The following CNTNAP2 variants were observed in gnomAD, a reference collection of about 807,000 sequenced individuals.
CNTNAP2 encodes contactin-associated protein-like 2.
Under a neutral mutation model 155.2 loss-of-function variants are expected in CNTNAP2, and 98 were observed. That is an observed-to-expected ratio of 0.63 (90% CI 0.54 to 0.75). The LOEUF (loss-of-function observed/expected upper bound fraction) is 0.75, where lower values mean the gene tolerates loss of function less well. Among genes scored for constraint, CNTNAP2 ranks in the 30% least tolerant of loss-of-function variants. The pLI is 0.00. For missense variants in CNTNAP2, 1,727 were observed against 1,688.1 expected (o/e 1.02, Z -0.40); for synonymous variants, 651 against 631.2 (o/e 1.03, Z -0.47).
intron 12 of CNTNAP2, among the ~76,000 whole-genome samples, chr7:147,572,074 A>G (rs550951641): frequency 6.6e-6 from 1 of 152,332 alleles, no homozygotes; most frequent in African/African-American, 2.4e-5. Context: ...AATTCTGCTC[A>G]TACAGCTTCA....
intron 8 of CNTNAP2, among the ~76,000 whole-genome samples, chr7:147,223,709 G>A (rs1252377219): frequency 6.6e-6 from 1 of 152,080 alleles, no homozygotes; most frequent in Admixed American, 6.6e-5. Flanking sequence ...TTGGGAGGCC[G>A]AGGCAGGCGG....
intron 9 of CNTNAP2, among the ~76,000 whole-genome samples, chr7:147,342,024 T>C (rs887877478): frequency 6.6e-5 from 10 of 152,144 alleles, no homozygotes; most frequent in African/African-American, 1.9e-4. Flanking sequence ...GAGTTCTTGA[T>C]GAGGGTACTC....
chr7:147,381,412 T>C (rs1156250946), intron 9 of CNTNAP2, among the ~76,000 whole-genome samples: 1 of 152,166 alleles, frequency 6.6e-6, no homozygotes, highest in Non-Finnish European at 1.5e-5. Flanking sequence ...AGTAAGACAA[T>C]ATTATTTTAT....
chr7:148,301,637 G>C (rs1000323709), intron 21 of CNTNAP2, among the ~76,000 whole-genome samples: 2 of 152,220 alleles, frequency 1.3e-5, no homozygotes, highest in African/African-American at 4.8e-5. Context: ...AGAAGGGATA[G>C]AGCAGAAATC....
chr7:148,116,807 A>G lies in CNTNAP2; in HGVS notation c.2384-1311A>G, dbSNP rs572517410. Among the ~76,000 whole-genome samples, 122 of 152,342 alleles carry G rather than the reference A, an allele frequency of 8.0e-4. 2 individuals are homozygous for G. Among genetic ancestry groups the G allele is most frequent in the South Asian group, 3.1e-3 (15 of 4,826 alleles). ...TTGCATAAAAGGAAGGAAAAATATCATTTGTGTATGAATAGAAACTAATGG... is the reference window on the plus strand; with the variant it reads ...TTGCATAAAAGGAAGGAAAAATATCGTTTGTGTATGAATAGAAACTAATGG... On this transcript the variant is annotated intron_variant, in intron 15 of 23. Transcript: ENST00000361727.
intron 1 of CNTNAP2, among the ~76,000 whole-genome samples, chr7:146,387,714 T>G (rs899896795): frequency 1.3e-5 from 2 of 152,104 alleles, no homozygotes; most frequent in African/African-American, 2.4e-5. Context: ...GGCATCTATG[T>G]TTCTGGCTGT....
chr7:147,879,059 T>C (rs1222807462), intron 13 of CNTNAP2, among the ~76,000 whole-genome samples: 1 of 152,260 alleles, frequency 6.6e-6, no homozygotes, highest in African/African-American at 2.4e-5. Flanking sequence ...CTCAGTGATG[T>C]AGTAAACGGT....
At chr7:147,441,514 C>T (rs1303953284) in intron 10 of CNTNAP2, among the ~76,000 whole-genome samples, 2 of 152,042 alleles carry the variant, frequency 1.3e-5, no homozygotes, top group Non-Finnish European at 2.9e-5. Context: ...TGTCTTGATA[C>T]CTGTAGATGT....
intron 13 of CNTNAP2, among the ~76,000 whole-genome samples, chr7:147,741,466 A>G (rs1344774393): frequency 6.6e-6 from 1 of 152,250 alleles, no homozygotes; most frequent in Non-Finnish European, 1.5e-5. Context: ...AGAAGCAAAT[A>G]ATTTTCCATA....
At chr7:148,281,835 CTT>C (rs58086860) in intron 21 of CNTNAP2, among the ~76,000 whole-genome samples, 2 of 123,460 alleles carry the variant, frequency 1.6e-5, no homozygotes, top group Non-Finnish European at 3.3e-5. Context: ...ACAACGTTTC[CTT>C]TTTTTTTTTT....
chr7:146,573,198 A>G (rs1358354997), intron 1 of CNTNAP2, among the ~76,000 whole-genome samples: 3 of 152,240 alleles, frequency 2.0e-5, no homozygotes, highest in Admixed American at 6.5e-5. Context: ...GCTGGAGTGC[A>G]GTGGCACAAT....
chr7:147,301,712 T>A (rs1794949795), intron 9 of CNTNAP2, among the ~76,000 whole-genome samples: 1 of 151,316 alleles, frequency 6.6e-6, no homozygotes, highest in African/African-American at 2.4e-5. Flanking sequence ...GCTATATTCC[T>A]CAAGGTCCTA....
At chr7:147,313,486 G>T (rs916272996) in intron 9 of CNTNAP2, among the ~76,000 whole-genome samples, 1 of 150,232 alleles carries the variant, frequency 6.7e-6, no homozygotes, top group African/African-American at 2.5e-5. Flanking sequence ...CATATGGCTA[G>T]CCAGTTTTCC....
rs150607716 is a variant in CNTNAP2 at position 146,839,889 on chromosome 7, A to G, written c.387A>G (p.Gln129=). Residue 129 remains glutamine, a synonymous_variant, in exon 3 of 24, where the codon CAA becomes CAG. Coordinates refer to ENST00000361727, the MANE Select transcript of CNTNAP2 (RefSeq NM_014141.6). ...GGAGAAACTGGAAACCCTATCATCAAGATGGGAATATCTGGGTAAGTCATT... is the reference window on the plus strand; with the variant it reads ...GGAGAAACTGGAAACCCTATCATCAGGATGGGAATATCTGGGTAAGTCATT... ...DTGRNWKPYH[Q]DGNIWAFPGN... 5.6e-5 allele frequency: 91 copies of G among 1,614,218 alleles called. No individual in the cohort carries two copies. In the African/African-American group the frequency reaches 9.2e-4, roughly 16 times the overall value.
At chr7:146,340,843 T>G (rs1429440664) in intron 1 of CNTNAP2, among the ~76,000 whole-genome samples, 1 of 152,202 alleles carries the variant, frequency 6.6e-6, no homozygotes, top group Non-Finnish European at 1.5e-5. Flanking sequence ...GCTTTAATGT[T>G]TTATTGATGA....
At chr7:146,200,510 A>G (rs1325831642) in intron 1 of CNTNAP2, among the ~76,000 whole-genome samples, 1 of 88,672 alleles carries the variant, frequency 1.1e-5, no homozygotes, top group Non-Finnish European at 2.2e-5. Context: ...ATATATATAT[A>G]CACACACACA....
chr7:148,363,566 CGTGT>C (rs1798666400), intron 21 of CNTNAP2, among the ~76,000 whole-genome samples: 1 of 152,182 alleles, frequency 6.6e-6, no homozygotes, highest in East Asian at 1.9e-4. Context: ...AACCTCTGTA[CGTGT>C]GTTTCCTTAG....
intron 1 of CNTNAP2, among the ~76,000 whole-genome samples, chr7:146,549,092 G>C (rs567770728): frequency 7.0e-6 from 1 of 142,998 alleles, no homozygotes; most frequent in Non-Finnish European, 1.5e-5. Context: ...GTTCAGTTTT[G>C]TCAACAACAT....
At chr7:147,456,302 C>T (rs1386361614) in intron 10 of CNTNAP2, among the ~76,000 whole-genome samples, 2 of 152,036 alleles carry the variant, frequency 1.3e-5, no homozygotes, top group Non-Finnish European at 2.9e-5. Flanking sequence ...CTAGAACTAC[C>T]TCTGCTTACA....
Sources: gnomAD v4.1 joint callset for allele counts (sites outside exome capture counted in the v4.1 genomes callset) on GRCh38, gnomAD v4.1.1 for gene constraint, MANE v1.5 for transcripts, NCBI Gene and HGNC (gene_info 2026-07-23, HGNC 2026-07-21) for gene names.